Variants in PIP4K2A observed in about 807,000 individuals in gnomAD.
PIP4K2A encodes the protein phosphatidylinositol 5-phosphate 4-kinase type-2 alpha.
Under a neutral mutation model 42.9 loss-of-function variants are expected in PIP4K2A, and 14 were observed. That is an observed-to-expected ratio of 0.33 (90% confidence interval 0.22 to 0.51). PIP4K2A has a LOEUF of 0.51. Among genes scored for constraint, PIP4K2A ranks in the 20% least tolerant of loss-of-function variants. The probability of loss-of-function intolerance (pLI) is 0.97; values close to 1 mark genes in which losing one functional copy is unlikely to be tolerated. For synonymous variants in PIP4K2A, 192 were observed against 192.2 expected (o/e 1.00, Z 0.01); for missense variants, 434 against 519.8 (o/e 0.83, Z 1.61).
rs1554791590 is a variant in PIP4K2A, at chr10:22,536,724, A to AAAAAAAAAAAAAAAAAAAC, written c.*476_*477insGTTTTTTTTTTTTTTTTTT. 7.3e-5 allele frequency: 10 copies of AAAAAAAAAAAAAAAAAAAC among 136,826 alleles called. No homozygotes were observed. The highest frequency in any genetic ancestry group is 1.3e-4 in the Non-Finnish European group (8 of 61,240). The allele number at this position is 136,826 out of a possible 1,614,324, so 8.5% of individuals were successfully genotyped here. Reference sequence around the variant, plus strand: ...CACATCTTTCAACTCCAAAAAAAAAAAAAAAAAAAAAAAACTGATCCACAG... The same window carrying AAAAAAAAAAAAAAAAAAAC: ...CACATCTTTCAACTCCAAAAAAAAAAAAAAAAAAAAAAAAAAAACAAAAAAAAAAAAAACTGATCCACAG... On this transcript the variant is annotated 3_prime_UTR_variant, in exon 10 of 10. Coordinates refer to ENST00000376573, the MANE Select transcript of PIP4K2A (RefSeq NM_005028.5).
intron 4 of PIP4K2A, among the ~76,000 whole-genome samples, chr10:22,577,952 A>G (rs1056123083): frequency 2.0e-5 from 3 of 152,180 alleles, no homozygotes; most frequent in Non-Finnish European, 4.4e-5. Flanking sequence ...CACTCACTAG[A>G]TATTTGGTGA....
intron 1 of PIP4K2A, among the ~76,000 whole-genome samples, chr10:22,638,701 T>C (rs780187825): frequency 1.6e-4 from 24 of 152,218 alleles, no homozygotes; most frequent in Non-Finnish European, 2.9e-4. Context: ...TGTTATTGTA[T>C]GTTTGATGGA....
At chr10:22,699,751 T>G (rs1833677807) in intron 1 of PIP4K2A, among the ~76,000 whole-genome samples, 1 of 152,170 alleles carries the variant, frequency 6.6e-6, no homozygotes, top group Non-Finnish European at 1.5e-5. Context: ...ACATTGTAAA[T>G]ACAAACACTT....
At chr10:22,714,093 G>C in intron 1 of PIP4K2A, 90 bp downstream of exon 1, 1 of 1,339,156 alleles carries the variant, frequency 7.5e-7, no homozygotes. Flanking sequence ...CCGGCTCCCC[G>C]CCCCGCAGCA....
chr10:22,654,341 A>G (rs1287574388), intron 1 of PIP4K2A, among the ~76,000 whole-genome samples: 1 of 152,202 alleles, frequency 6.6e-6, no homozygotes, highest in Non-Finnish European at 1.5e-5. Flanking sequence ...TGAAAAACAC[A>G]GCTCTCACTT....
At chr10:22,542,447 C>T (rs1034200468) in intron 7 of PIP4K2A, among the ~76,000 whole-genome samples, 4 of 152,156 alleles carry the variant, frequency 2.6e-5, no homozygotes, top group East Asian at 3.9e-4. Flanking sequence ...TAGCTTCCAG[C>T]GGAGTCTCTG....
chr10:22,566,606 C>A (rs1464884942), intron 6 of PIP4K2A, among the ~76,000 whole-genome samples: 1 of 152,200 alleles, frequency 6.6e-6, no homozygotes, highest in Non-Finnish European at 1.5e-5. Context: ...ACTTCATCAG[C>A]CTCTCTGACA....
rs1182020649 is a variant in PIP4K2A at position 22,573,261 on chromosome 10, A to G, written c.639+50T>C. Reference sequence around the variant, plus strand: ...TGATCAATGACAACATTTACAATGTAGAAGAGTAAGCTTGAGTTACTTTAC... The same window carrying G: ...TGATCAATGACAACATTTACAATGTGGAAGAGTAAGCTTGAGTTACTTTAC... On this transcript the variant is annotated intron_variant, in intron 5 of 9. Coordinates refer to ENST00000376573, the MANE Select transcript of PIP4K2A (RefSeq NM_005028.5). The G allele has an allele frequency of 2.0e-6, 3 of 1,513,848 alleles. 1 individual carries two copies. The South Asian group carries it at 3.4e-5, about 17-fold the overall frequency. 93.8% of individuals were successfully genotyped at this position (1,513,848 alleles called of 1,614,324 possible).
At chr10:22,585,093 T>C (rs1383616804) in intron 4 of PIP4K2A, among the ~76,000 whole-genome samples, 1 of 152,216 alleles carries the variant, frequency 6.6e-6, no homozygotes, top group Non-Finnish European at 1.5e-5. Flanking sequence ...TGGAACCTTT[T>C]CTCTTTTGGT....
At chr10:22,611,966 G>A (rs902066772) in intron 1 of PIP4K2A, among the ~76,000 whole-genome samples, 1 of 152,162 alleles carries the variant, frequency 6.6e-6, no homozygotes, top group African/African-American at 2.4e-5. Context: ...GCCTCCTCAG[G>A]CTGCTTAAAT....
At chr10:22,686,264 G>A (rs1181859504) in intron 1 of PIP4K2A, among the ~76,000 whole-genome samples, 1 of 152,168 alleles carries the variant, frequency 6.6e-6, no homozygotes, top group Non-Finnish European at 1.5e-5. Context: ...TCTCCTGAAG[G>A]AAATGTAATC....
intron 1 of PIP4K2A, among the ~76,000 whole-genome samples, chr10:22,683,307 T>G (rs1459577912): frequency 6.6e-6 from 1 of 152,114 alleles, no homozygotes; most frequent in Non-Finnish European, 1.5e-5. Flanking sequence ...CACTGTGATC[T>G]TAAGTCACAG....
chr10:22,573,180 T>C (rs930243869), intron 5 of PIP4K2A, 131 bp downstream of exon 5: 2 of 766,636 alleles, frequency 2.6e-6, no homozygotes, highest in African/African-American at 1.7e-5. Flanking sequence ...CAGGAAGGAA[T>C]ACACTGCTAC....
At chr10:22,668,666 T>C (rs1276353975) in intron 1 of PIP4K2A, among the ~76,000 whole-genome samples, 2 of 152,212 alleles carry the variant, frequency 1.3e-5, no homozygotes, top group Non-Finnish European at 2.9e-5. Context: ...AAATTCTATA[T>C]GGCCCACAAT....
chr10:22,619,247 C>T (rs964582929), intron 1 of PIP4K2A, among the ~76,000 whole-genome samples: 5 of 152,010 alleles, frequency 3.3e-5, no homozygotes, highest in African/African-American at 1.2e-4. Flanking sequence ...TTACAACCTA[C>T]CCTGCAAACC....
chr10:22,626,636 C>T (rs145334462), intron 1 of PIP4K2A, among the ~76,000 whole-genome samples: 17 of 152,320 alleles, frequency 1.1e-4, no homozygotes, highest in African/African-American at 2.6e-4. Flanking sequence ...TCCATCATCA[C>T]ACTGAAGTGC....
chr10:22,542,151 G>A, intron 7 of PIP4K2A, 104 bp from the exon 8 acceptor site: 1 of 1,048,462 alleles, frequency 9.5e-7, no homozygotes, highest in Non-Finnish European at 1.4e-6. Context: ...GCTGTGGGGT[G>A]GGGCAGCAGA....
chr10:22,678,281 T>C (rs547804386), intron 1 of PIP4K2A, among the ~76,000 whole-genome samples: 6 of 152,040 alleles, frequency 3.9e-5, no homozygotes, highest in African/African-American at 1.4e-4. Context: ...ATTAGGTTCA[T>C]ACACCAGCAG....
intron 1 of PIP4K2A, chr10:22,646,094 G>A (rs1838875789): frequency 6.6e-6 from 1 of 152,158 alleles, no homozygotes; most frequent in South Asian, 2.1e-4. Flanking sequence ...GGGTCAGCCT[G>A]GCAGTGCACA....
Sources: gnomAD v4.1 joint callset for allele counts (sites outside exome capture counted in the v4.1 genomes callset) on GRCh38, gnomAD v4.1.1 for gene constraint, MANE v1.5 for transcripts, NCBI Gene and HGNC (gene_info 2026-07-23, HGNC 2026-07-21) for gene names.